SCHIP1: variants seen among roughly 807,000 people sequenced by gnomAD.
The protein encoded by SCHIP1 is schwannomin-interacting protein 1.
In SCHIP1, 8 loss-of-function variants were observed where a neutral mutation model predicts 29.7. The observed-to-expected ratio is 0.27, with a 90% CI of 0.16 to 0.49. SCHIP1 has a LOEUF of 0.49. Among genes scored for constraint, SCHIP1 ranks in the 20% least tolerant of loss-of-function variants. SCHIP1 has a pLI of 0.99. For synonymous variants in SCHIP1, 76 were observed against 94.9 expected (o/e 0.80, Z 1.16); for missense variants, 193 against 294.6 (o/e 0.66, Z 2.52).
At chr3:159,818,266 C>T in the SCHIP1 span, among the ~76,000 whole-genome samples, 1 of 152,182 alleles carries the variant, frequency 6.6e-6, no homozygotes, top group Non-Finnish European at 1.5e-5. Flanking sequence ...TGCTAAAGTT[C>T]TGGGGAGAGA....
the SCHIP1 span, among the ~76,000 whole-genome samples, chr3:159,703,978 G>T: frequency 6.6e-6 from 1 of 152,122 alleles, no homozygotes; most frequent in African/African-American, 2.4e-5. Context: ...TTCCTTGTCT[G>T]CATCAAATAA....
the SCHIP1 span, among the ~76,000 whole-genome samples, chr3:159,343,050 G>A: frequency 1.3e-5 from 2 of 152,142 alleles, no homozygotes; most frequent in South Asian, 2.1e-4. Context: ...TGTGCCAACC[G>A]CTGTGCCAGG....
chr3:159,820,608 G>A, the SCHIP1 span, among the ~76,000 whole-genome samples: 2 of 152,194 alleles, frequency 1.3e-5, no homozygotes, highest in African/African-American at 4.8e-5. Flanking sequence ...CTGAAGAAAA[G>A]TAAGAAAAGA....
chr3:159,671,185 C>T, the SCHIP1 span, among the ~76,000 whole-genome samples: 1 of 152,138 alleles, frequency 6.6e-6, no homozygotes, highest in African/African-American at 2.4e-5. Context: ...TCAATACCAT[C>T]CCCCAGCTAA....
the SCHIP1 span, among the ~76,000 whole-genome samples, chr3:159,332,927 A>G: frequency 6.6e-6 from 1 of 152,224 alleles, no homozygotes; most frequent in Non-Finnish European, 1.5e-5. Context: ...CTCCTGGAAG[A>G]GTTGCTCCTG....
At chr3:159,433,816 A>G in the SCHIP1 span, among the ~76,000 whole-genome samples, 2 of 147,256 alleles carry the variant, frequency 1.4e-5, no homozygotes, top group Admixed American at 1.3e-4. Flanking sequence ...ATGACTCTTA[A>G]TTATTACTAA....
chr3:159,729,860 G>A, the SCHIP1 span, among the ~76,000 whole-genome samples: 3 of 152,300 alleles, frequency 2.0e-5, no homozygotes, highest in East Asian at 3.9e-4. Flanking sequence ...GAAACAGTCT[G>A]AATGTACATC....
chr3:159,562,106 G>T, the SCHIP1 span, among the ~76,000 whole-genome samples: 1 of 152,088 alleles, frequency 6.6e-6, no homozygotes, highest in South Asian at 2.1e-4. Flanking sequence ...CCTTAAGCAG[G>T]CTTTGTAATT....
At chr3:159,889,626 C>T (rs967536067) in intron 5 of SCHIP1, among the ~76,000 whole-genome samples, 5 of 152,078 alleles carry the variant, frequency 3.3e-5, no homozygotes, top group African/African-American at 9.7e-5. Flanking sequence ...TATAATTATA[C>T]GGTATTACAG....
the SCHIP1 span, among the ~76,000 whole-genome samples, chr3:159,511,693 C>T: frequency 2.1e-3 from 315 of 152,294 alleles, 3 homozygotes; most frequent in East Asian, 0.056. Flanking sequence ...AAAATCCCAA[C>T]GCAGAAGTAT....
the SCHIP1 span, chr3:159,273,820 C>G: frequency 6.8e-6 from 11 of 1,613,412 alleles, no homozygotes; most frequent in Non-Finnish European, 8.5e-6. Context: ...TCTTCAGCAC[C>G]ATGGAGAGGT....
At chr3:159,723,533 A>G in the SCHIP1 span, among the ~76,000 whole-genome samples, 1 of 152,254 alleles carries the variant, frequency 6.6e-6, no homozygotes. Flanking sequence ...ATCTTATTGC[A>G]TGATGTCAGA....
At chr3:159,366,072 T>A in the SCHIP1 span, among the ~76,000 whole-genome samples, 1 of 152,118 alleles carries the variant, frequency 6.6e-6, no homozygotes, top group Non-Finnish European at 1.5e-5. Flanking sequence ...ACAGGAAGCA[T>A]GGTGCTGGCA....
chr3:159,294,340 A>G, the SCHIP1 span, among the ~76,000 whole-genome samples: 1 of 152,364 alleles, frequency 6.6e-6, no homozygotes, highest in East Asian at 1.9e-4. Context: ...AAATACTAAT[A>G]TAATCAAGTT....
At chr3:159,806,629 G>A in the SCHIP1 span, among the ~76,000 whole-genome samples, 6 of 152,362 alleles carry the variant, frequency 3.9e-5, no homozygotes, top group African/African-American at 1.2e-4. Flanking sequence ...GGGAGCTGAA[G>A]GCGAGTTCTG....
chr3:159,705,253 G>A, the SCHIP1 span, among the ~76,000 whole-genome samples: 4 of 151,846 alleles, frequency 2.6e-5, no homozygotes, highest in African/African-American at 7.3e-5. Flanking sequence ...CGTGAACCAC[G>A]GTGCCCGGAC....
At chr3:159,323,565 A>G in the SCHIP1 span, among the ~76,000 whole-genome samples, 1 of 152,178 alleles carries the variant, frequency 6.6e-6, no homozygotes, top group Non-Finnish European at 1.5e-5. Flanking sequence ...CCTGTCTCCT[A>G]TTGATGAACA....
the SCHIP1 span, among the ~76,000 whole-genome samples, chr3:159,772,224 C>T: frequency 2.0e-5 from 3 of 152,212 alleles, no homozygotes; most frequent in African/African-American, 7.2e-5. Context: ...AATCTCGACT[C>T]GCTGCAACCC....
the SCHIP1 span, among the ~76,000 whole-genome samples, chr3:159,513,888 C>A: frequency 6.6e-6 from 1 of 152,176 alleles, no homozygotes; most frequent in South Asian, 2.1e-4. Context: ...GCCACTAGTG[C>A]AATGTTCCAA....
Sources: allele counts gnomAD v4.1 joint callset (sites outside exome capture counted in the v4.1 genomes callset), GRCh38; gene constraint gnomAD v4.1.1; transcripts MANE v1.5; gene names NCBI Gene and HGNC (gene_info 2026-07-23, HGNC 2026-07-21).